The following BRCA2 variants were observed in gnomAD, a reference collection of about 807,000 sequenced individuals.
BRCA2 encodes the protein BRCA2 DNA repair associated, also known as breast cancer type 2 susceptibility protein.
Under a neutral mutation model 276.7 loss-of-function variants are expected in BRCA2, and 203 were observed. That is an observed-to-expected ratio of 0.73 (90% CI 0.65 to 0.82). The LOEUF is 0.82. Among genes scored for constraint, BRCA2 ranks in the 40% least tolerant of loss-of-function variants. The probability of loss-of-function intolerance (pLI) is 0.00; values close to 1 mark genes in which losing one functional copy is unlikely to be tolerated. For synonymous variants in BRCA2, 1,289 were observed against 1,338.4 expected (o/e 0.96, Z 0.81); for missense variants, 3,920 against 3,915.0 (o/e 1.00, Z -0.03).
At chr13:32,379,688 A>C in intron 22 of BRCA2, 62 bp from the exon 23 acceptor site, 1 of 1,569,298 alleles carries the variant, frequency 6.4e-7, no homozygotes, top group African/African-American at 1.4e-5. Flanking sequence ...ATTTATTTTG[A>C]AACAAACATT....
intron 13 of BRCA2, among the ~76,000 whole-genome samples, chr13:32,351,230 G>A (rs549414413): frequency 2.6e-5 from 4 of 152,238 alleles, no homozygotes; most frequent in South Asian, 2.1e-4. Context: ...CACTCACCAC[G>A]AAGGTCTGCG....
At chr13:32,375,864 A>G (rs1042586887) in intron 20 of BRCA2, among the ~76,000 whole-genome samples, 10 of 152,228 alleles carry the variant, frequency 6.6e-5, no homozygotes, top group Admixed American at 1.3e-4. Flanking sequence ...CCGGCAAGAC[A>G]TGTTTCTTAA....
rs1020818778 is a variant in BRCA2 at position 32,337,020 on chromosome 13, A to G, written c.2665A>G (p.Asn889Asp). 2 of 1,592,210 alleles carry G rather than the reference A, an allele frequency of 1.3e-6. No individual in the cohort carries two copies. The highest frequency in any genetic ancestry group is 1.7e-6 in the Non-Finnish European group (2 of 1,173,064). ...SEELFSDNEN[N>D]FVFQVANERN... ...AGAACTTTTCTCAGACAATGAGAAT[A>G]ATTTTGTCTTCCAAGTAGCTAATGA... Residue 889 changes from asparagine to aspartate, a missense_variant, in exon 11 of 27, where the codon AAT (asparagine) becomes GAT (aspartate). Asn to Asp is a conservative substitution (Grantham distance 23). Coordinates refer to ENST00000380152, the MANE Select transcript of BRCA2 (RefSeq NM_000059.4).
chr13:32,375,563 C>CT lies in BRCA2; in HGVS notation c.8633-1093dup, dbSNP rs398022219. On this transcript the variant is annotated intron_variant, in intron 20 of 26. Coordinates refer to ENST00000380152, the MANE Select transcript of BRCA2 (RefSeq NM_000059.4). ...CAGCTATTCTTTATAAGACATGTTTCTTTTTTTTTTTTTTGAGATGGAGTT... is the reference window on the plus strand; with the variant it reads ...CAGCTATTCTTTATAAGACATGTTTCTTTTTTTTTTTTTTTGAGATGGAGTT... Among the ~76,000 whole-genome samples the CT allele has an allele frequency of 0.53, 75,491 of 143,142 alleles. 19,738 individuals carry two copies. The highest frequency in any genetic ancestry group is 0.57 in the East Asian group (2,758 of 4,864). The allele number at this position is 143,142 out of a possible 152,430, so 93.9% of individuals were successfully genotyped here.
At chr13:32,375,442 G>T (rs1278827842) in intron 20 of BRCA2, 1 of 431,868 alleles carries the variant, frequency 2.3e-6, no homozygotes, top group East Asian at 7.1e-5. Context: ...GACTTCCCAT[G>T]AAACACTAGT....
rs774825915 is a variant in BRCA2 at position 32,341,071 on chromosome 13, A to G, written c.6716A>G (p.Glu2239Gly). The G allele has an allele frequency of 6.2e-7, 1 of 1,614,006 alleles. No individual in the cohort carries two copies. The highest frequency in any genetic ancestry group is 8.5e-7 in the Non-Finnish European group (1 of 1,179,936). The change falls in exon 11 of 27, where the codon GAA becomes GGA. Residue 2239 changes from glutamate (E) to glycine (G), a missense_variant. Transcript: ENST00000380152. ...GCTAAAGCTTTTATGGAAGATGATG[A>G]ACTGACAGATTCTAAACTGCCAAGT... ...EIAKAFMEDD[E>G]LTDSKLPSHA...
At position 32,336,593 on chromosome 13, in the gene BRCA2, G is replaced by A. The variant is rs2072453187; in HGVS notation, c.2238G>A (p.Val746=). 6.2e-7 allele frequency: 1 copy of A among 1,614,024 alleles called. No individual in the cohort carries two copies. Among genetic ancestry groups the A allele is most frequent in the Non-Finnish European group, 8.5e-7 (1 of 1,179,974 alleles). Residue 746 remains valine, a synonymous_variant, in exon 11 of 27, where the codon GTG becomes GTA. Coordinates refer to ENST00000380152, the MANE Select transcript of BRCA2 (RefSeq NM_000059.4). ...GTCACCCAGTACAACATTCAAAAGT[G>A]GAATACAGTGATACTGACTTTCAAT... ...AACHPVQHSK[V]EYSDTDFQSQ... is the part of the protein sequence containing the mutation.
chr13:32,348,755 C>T (rs1271132964), intron 13 of BRCA2, among the ~76,000 whole-genome samples: 1 of 152,074 alleles, frequency 6.6e-6, no homozygotes, highest in Non-Finnish European at 1.5e-5. Flanking sequence ...GCAAAGGGAG[C>T]TTTCAGGATG....
At chr13:32,357,674 GTTTTTA>G in intron 15 of BRCA2, 62 bp from the exon 16 acceptor site, 1 of 1,513,326 alleles carries the variant, frequency 6.6e-7, no homozygotes, top group South Asian at 1.2e-5. Flanking sequence ...TGTTATAATT[GTTTTTA>G]TTGTGTGATA....
At chr13:32,349,435 C>T (rs1471361666) in intron 13 of BRCA2, among the ~76,000 whole-genome samples, 1 of 151,992 alleles carries the variant, frequency 6.6e-6, no homozygotes, top group Non-Finnish European at 1.5e-5. Context: ...AACGATTTTA[C>T]ACTCAGGTCT....
intron 24 of BRCA2, among the ~76,000 whole-genome samples, chr13:32,388,409 A>G (rs998849153): frequency 2.6e-5 from 4 of 152,144 alleles, no homozygotes; most frequent in Non-Finnish European, 5.9e-5. Flanking sequence ...TTGAGCCACT[A>G]TGCCCAGCGT....
At chr13:32,377,550 A>G (rs962795933) in intron 21 of BRCA2, among the ~76,000 whole-genome samples, 31 of 149,710 alleles carry the variant, frequency 2.1e-4, no homozygotes, top group Admixed American at 1.3e-3. Context: ...AGGTCATGCC[A>G]TTGCACTCCA....
chr13:32,340,099 C>T lies in BRCA2; in HGVS notation c.5744C>T (p.Thr1915Met), dbSNP rs4987117. 42,790 of 1,613,612 alleles carry T rather than the reference C, an allele frequency of 0.027. 679 individuals are homozygous for T. Among genetic ancestry groups the T allele is most frequent in the Non-Finnish European group, 0.032 (38,184 of 1,179,654 alleles). ...TCTCTAGATAATGATGAATGTAGCA[C>T]GCATTCACATAAGGTTTTTGCTGAC... ...HNSLDNDECSTHSHKVFADIQ... is the reference protein window; with the variant it reads ...HNSLDNDECSMHSHKVFADIQ... The change falls in exon 11 of 27, where the codon ACG becomes ATG. Residue 1915 changes from threonine to methionine, a missense_variant. By Grantham distance (81) the Thr-to-Met change is moderately conservative. Around this residue, in one of 2 missense-constraint regions of BRCA2, gnomAD observed 3,263 missense variants for 3,156.9 expected, o/e 1.03. Coordinates refer to ENST00000380152, the MANE Select transcript of BRCA2 (RefSeq NM_000059.4).
At chr13:32,388,052 T>C (rs1178289785) in intron 24 of BRCA2, among the ~76,000 whole-genome samples, 2 of 151,992 alleles carry the variant, frequency 1.3e-5, no homozygotes, top group East Asian at 3.9e-4. Flanking sequence ...TTTCTTACAA[T>C]CTCTTGTCTC....
rs28897743 is a variant in BRCA2, at chr13:32,346,896, G to A, written c.7007G>A (p.Arg2336His). 9 of 1,602,852 alleles carry A rather than the reference G, an allele frequency of 5.6e-6. No homozygotes were observed. Among genetic ancestry groups the A allele is most frequent in the South Asian group, 1.1e-5 (1 of 89,548 alleles). Reference sequence around the variant, plus strand: ...GAGCCGATTACCTGTGTACCCTTTCGGTAAGACATGTTTAAATTTTTCTAA... The same window carrying A: ...GAGCCGATTACCTGTGTACCCTTTCAGTAAGACATGTTTAAATTTTTCTAA... ...SLEPITCVPF[R>H]TTKERQEIQN... is the part of the protein sequence containing the mutation. The change falls in exon 13 of 27, where the codon CGC becomes CAC. Residue 2336 changes from arginine (R) to histidine (H), a missense_variant and splice_region_variant. Physicochemically the swap from Arg to His is conservative, Grantham distance 29. Coordinates refer to ENST00000380152, the MANE Select transcript of BRCA2 (RefSeq NM_000059.4).
chr13:32,361,545 C>G (rs9590938), intron 16 of BRCA2, among the ~76,000 whole-genome samples: 1 of 152,038 alleles, frequency 6.6e-6, no homozygotes, highest in African/African-American at 2.4e-5. Context: ...AAAACCGTTT[C>G]TTATGCTGAT....
chr13:32,393,189 TAATA>T (rs780311730), intron 24 of BRCA2, among the ~76,000 whole-genome samples: 12 of 152,220 alleles, frequency 7.9e-5, no homozygotes, highest in Non-Finnish European at 1.6e-4. Flanking sequence ...TCTTTGTAGT[TAATA>T]AATATCTTGA....
chr13:32,328,047 T>C (rs994715081), intron 7 of BRCA2, among the ~76,000 whole-genome samples: 20 of 152,108 alleles, frequency 1.3e-4, no homozygotes, highest in Non-Finnish European at 1.3e-4. Context: ...CCTGTGACCA[T>C]TCTTTTTTAT....
rs876658889 is a variant in BRCA2, at chr13:32,362,650, A to T, written c.7933A>T (p.Arg2645Ter). 1.2e-6 allele frequency: 2 copies of T among 1,614,222 alleles called. No homozygotes were observed. Among genetic ancestry groups the T allele is most frequent in the Non-Finnish European group, 1.7e-6 (2 of 1,180,046 alleles). The part of the protein sequence containing the change: ...ECAFPKEFAN[R>*]CLSPERVLLQ... The stretch of plus-strand genomic sequence containing the variant: ...TGCCTTTCCTAAGGAATTTGCTAAT[A>T]GATGCCTAAGCCCAGAAAGGGTGCT... Residue 2645 changes from arginine (R) to a stop codon, truncating the protein, a stop_gained, in exon 17 of 27, where the codon AGA (arginine) becomes TGA (stop). Transcript: ENST00000380152. LOFTEE classifies it high-confidence loss of function.
Sources: gnomAD v4.1 joint callset for allele counts (sites outside exome capture counted in the v4.1 genomes callset) on GRCh38, gnomAD v4.1.1 for gene constraint, gnomAD v4.1.1 regional missense constraint, MANE v1.5 for transcripts, NCBI Gene and HGNC (gene_info 2026-07-23, HGNC 2026-07-21) for gene names.